ANKLE1: variants seen among roughly 807,000 people sequenced by gnomAD.
ANKLE1 encodes the protein ankyrin repeat and LEM domain containing 1.
Under a neutral mutation model 56.2 loss-of-function variants are expected in ANKLE1, and 59 were observed. The observed-to-expected ratio is 1.05, with a 90% CI of 0.85 to 1.30. The LOEUF is 1.30. Among genes scored for constraint, ANKLE1 ranks in the 50% most tolerant of loss-of-function variants. The pLI is 0.00. For missense variants in ANKLE1, 771 were observed against 816.1 expected (o/e 0.94, Z 0.67); for synonymous variants, 341 against 352.9 (o/e 0.97, Z 0.38).
rs1314590852 is a variant in ANKLE1, at chr19:17,283,918, G to A, written c.1154G>A (p.Arg385Lys). 6.2e-7 allele frequency: 1 copy of A among 1,611,688 alleles called. No homozygotes were observed. The change falls in exon 5 of 9, where the codon AGG becomes AAG. Residue 385 changes from arginine (R) to lysine (K), a missense_variant. Arg to Lys is a conservative substitution (Grantham distance 26). Transcript: ENST00000404085. ...CCTCACCCCATCACACCCTTCACCA[G>A]GCAGTTGTACCACCAGCAGCTGGAA... ...ENPHPITPFTRQLYHQQLEEA... is the reference protein window; with the variant it reads ...ENPHPITPFTKQLYHQQLEEA...
At chr19:17,285,325 A>G in intron 6 of ANKLE1, 106 bp from the exon 7 acceptor site, 1 of 1,366,374 alleles carries the variant, frequency 7.3e-7, no homozygotes, top group Non-Finnish European at 1.0e-6. Flanking sequence ...TGATCCTGTA[A>G]TCAGGAGTCA....
In ANKLE1 at chr19:17,286,649, TG is replaced by T; in HGVS notation, c.*98del. On this transcript the variant is annotated 3_prime_UTR_variant, in exon 9 of 9. Transcript: ENST00000404085. The stretch of plus-strand genomic sequence containing the variant: ...CCCCCATCTCTGGTTTCAGAAGGGG[TG>T]TGTGTGTGTGTGTGTGTGTGTGTGT... The T allele has an allele frequency of 4.4e-6, 2 of 451,518 alleles. No individual in the cohort carries two copies. The highest frequency in any genetic ancestry group is 1.5e-4 in the East Asian group (2 of 13,252). The allele number at this position is 451,518 out of a possible 1,614,324, so 28.0% of individuals were successfully genotyped here.
rs746438386 is a variant in ANKLE1, at chr19:17,283,790, C to T, written c.1026C>T (p.Ser342=). The T allele has an allele frequency of 2.5e-6, 4 of 1,613,656 alleles. No individual in the cohort carries two copies. Among genetic ancestry groups the T allele is most frequent in the Non-Finnish European group, 3.4e-6 (4 of 1,179,902 alleles). ...ATLWLTEDEA[S]STGGREPVGP... Reference sequence around the variant, plus strand: ...TCTGGCTGACAGAGGATGAGGCAAGCTCTACAGGTGGCAGGGAACCTGTCG... The same window carrying T: ...TCTGGCTGACAGAGGATGAGGCAAGTTCTACAGGTGGCAGGGAACCTGTCG... Residue 342 remains serine, a synonymous_variant, in exon 5 of 9, where the codon AGC becomes AGT. Transcript: ENST00000404085.
Position 17,284,124 on chromosome 19 carries a change from G to A in ANKLE1, c.1234G>A (p.Ala412Thr). The A allele has an allele frequency of 6.2e-7, 1 of 1,613,944 alleles. No homozygotes were observed. The highest frequency in any genetic ancestry group is 8.5e-7 in the Non-Finnish European group (1 of 1,179,892). ...TTCAGGGCACAGCCTAGAACTGGCT[G>A]CAGCCCTGCGGACGGGCTGTATTCC... ...EFSGHSLELA[A>T]ALRTGCIPDV... is the part of the protein sequence containing the mutation. The change falls in exon 6 of 9, where the codon GCA (alanine) becomes ACA (threonine). Residue 412 changes from alanine (A) to threonine (T), a missense_variant. Transcript: ENST00000404085.
chr19:17,286,306 G>A, intron 8 of ANKLE1, 74 bp from the exon 9 acceptor site: 1 of 1,500,290 alleles, frequency 6.7e-7, no homozygotes, highest in Non-Finnish European at 8.9e-7. Flanking sequence ...CCAGCCGCCT[G>A]CTGTCACACA....
rs537256851 is a variant in ANKLE1 at position 17,283,445 on chromosome 19, C to T, written c.681C>T (p.Val227=). The T allele has an allele frequency of 2.5e-6, 4 of 1,613,334 alleles. No homozygotes were observed. In the African/African-American group the frequency reaches 5.3e-5, roughly 22 times the overall value. The change falls in exon 5 of 9, where the codon GTC becomes GTT. Residue 227 remains valine (V), a synonymous_variant. Coordinates refer to ENST00000404085, the MANE Select transcript of ANKLE1 (RefSeq NM_152363.6). The part of the protein sequence containing the change: ...SDASFVTAVE[V]SGAEDPASDT... The stretch of plus-strand genomic sequence containing the variant: ...CCTCTTTCGTCACAGCGGTTGAGGT[C>T]TCTGGAGCTGAGGACCCAGCCTCGG...
chr19:17,283,714 G>C lies in ANKLE1; in HGVS notation c.950G>C (p.Cys317Ser). The C allele has an allele frequency of 6.2e-7, 1 of 1,613,604 alleles. No homozygotes were observed. The highest frequency in any genetic ancestry group is 1.7e-5 in the Admixed American group (1 of 60,024). The change falls in exon 5 of 9, where the codon TGC (cysteine) becomes TCC (serine). Residue 317 changes from cysteine (C) to serine (S), a missense_variant. Physicochemically the swap from Cys to Ser is moderately radical, Grantham distance 112. Transcript: ENST00000404085. ...ACACCAACCCCTGGAGCTTCTGACT[G>C]CCACTGCCTGTGGGAGCACCAGACA... is the stretch of plus-strand genomic sequence containing the variant. ...PRTPTPGASD[C>S]HCLWEHQTSI...
At chr19:17,285,937 C>A in intron 8 of ANKLE1, 118 bp downstream of exon 8, 1 of 1,378,836 alleles carries the variant, frequency 7.3e-7, no homozygotes, top group Non-Finnish European at 9.8e-7. Context: ...TGAGCACCAA[C>A]TTTGAACCTG....
Position 17,283,818 on chromosome 19 carries a change from C to T in ANKLE1, c.1054C>T (p.Pro352Ser), listed in dbSNP as rs894277207. Reference sequence around the variant, plus strand: ...TACAGGTGGCAGGGAACCTGTCGGCCCTTGCCGGCACCTGCCAGTCTCCAC... The same window carrying T: ...TACAGGTGGCAGGGAACCTGTCGGCTCTTGCCGGCACCTGCCAGTCTCCAC... ...SSTGGREPVG[P>S]CRHLPVSTVS... The change falls in exon 5 of 9, where the codon CCT becomes TCT. Residue 352 changes from proline (P) to serine (S), a missense_variant. Transcript: ENST00000404085. The T allele has an allele frequency of 4.3e-6, 7 of 1,613,202 alleles. No individual in the cohort carries two copies. Among genetic ancestry groups the T allele is most frequent in the Non-Finnish European group, 5.9e-6 (7 of 1,179,910 alleles).
At chr19:17,282,539 G>C in intron 2 of ANKLE1, 117 bp from the exon 3 acceptor site, 1 of 1,088,356 alleles carries the variant, frequency 9.2e-7, no homozygotes, top group East Asian at 2.6e-5. Context: ...AGTGTACCAG[G>C]GTGGACGGCG....
Position 17,281,928 on chromosome 19 carries a change from C to T in ANKLE1, c.8C>T (p.Ser3Leu), listed in dbSNP as rs779039437. 19 of 1,534,638 alleles carry T rather than the reference C, an allele frequency of 1.2e-5. No individual in the cohort carries two copies. The highest frequency in any genetic ancestry group is 3.6e-5 in the South Asian group (3 of 83,940). MCSEARLARRLRD... is the reference protein window; with the variant it reads MCLEARLARRLRD... ...TTCGGACCCAGCCAGGGCATGTGCT[C>T]GGAGGCCCGCCTGGCTCGCAGGTTG... The change falls in exon 1 of 9, where the codon TCG becomes TTG. Residue 3 changes from serine (S) to leucine (L), a missense_variant. Coordinates refer to ENST00000404085, the MANE Select transcript of ANKLE1 (RefSeq NM_152363.6).
Position 17,284,129 on chromosome 19 carries a change from C to G in ANKLE1, c.1239C>G (p.Ala413=). The G allele has an allele frequency of 6.2e-7, 1 of 1,613,890 alleles. No individual in the cohort carries two copies. Among genetic ancestry groups the G allele is most frequent in the South Asian group, 1.1e-5 (1 of 91,082 alleles). Residue 413 remains alanine, a synonymous_variant, in exon 6 of 9, where the codon GCC becomes GCG. Coordinates refer to ENST00000404085, the MANE Select transcript of ANKLE1 (RefSeq NM_152363.6). ...GGCACAGCCTAGAACTGGCTGCAGC[C>G]CTGCGGACGGGCTGTATTCCAGATG... The part of the protein sequence containing the change: ...FSGHSLELAA[A]LRTGCIPDVQ...
chr19:17,281,975 G>A lies in ANKLE1; in HGVS notation c.55G>A (p.Glu19Lys), dbSNP rs1301299465. The A allele has an allele frequency of 1.9e-5, 29 of 1,534,256 alleles. No individual in the cohort carries two copies. The highest frequency in any genetic ancestry group is 2.5e-5 in the Non-Finnish European group (29 of 1,145,400). The change falls in exon 1 of 9, where the codon GAG (glutamate) becomes AAG (lysine). Residue 19 changes from glutamate (E) to lysine (K), a missense_variant. Glu to Lys is a moderately conservative substitution (Grantham distance 56). Coordinates refer to ENST00000404085, the MANE Select transcript of ANKLE1 (RefSeq NM_152363.6). Reference protein sequence around the residue: ...RRLRDALREEEPWAVEELLRC... With the variant: ...RRLRDALREEKPWAVEELLRC... ...GTTGCGGGATGCGCTGCGGGAGGAG[G>A]AGCCGTGGTGAGGGCGGGGCCGGGG...
Position 17,285,558 on chromosome 19 carries a change from GC to G in ANKLE1, c.1507del (p.Gly504ValfsTer55). 1 of 1,613,928 alleles carries G rather than the reference GC, an allele frequency of 6.2e-7. No individual in the cohort carries two copies. Among genetic ancestry groups the G allele is most frequent in the Non-Finnish European group, 8.5e-7 (1 of 1,179,888 alleles). On this transcript the variant is annotated frameshift_variant, in exon 7 of 9. Coordinates refer to ENST00000404085, the MANE Select transcript of ANKLE1 (RefSeq NM_152363.6). LOFTEE classifies it high-confidence loss of function. ...RARPYVHLWE[A>X]LGHHGRSRKQ... ...CCGGCCATATGTCCACCTCTGGGAG[GC>G]CCTTGGTCACCATGGGCGGTCAAGA... is the stretch of plus-strand genomic sequence containing the variant.
At chr19:17,285,289 G>T in intron 6 of ANKLE1, 142 bp from the exon 7 acceptor site, 5 of 926,412 alleles carry the variant, frequency 5.4e-6, no homozygotes, top group Non-Finnish European at 4.9e-6. Flanking sequence ...GCTGCTGAAT[G>T]TCTTTGGGGA....
rs755887647 is a variant in ANKLE1, at chr19:17,283,003, G to A, written c.460+1G>A. 6 of 1,559,432 alleles carry A rather than the reference G, an allele frequency of 3.8e-6. No individual in the cohort carries two copies. The South Asian group carries it at 7.0e-5, about 18-fold the overall frequency. On this transcript the variant is annotated splice_donor_variant, in intron 4 of 8. Coordinates refer to ENST00000404085, the MANE Select transcript of ANKLE1 (RefSeq NM_152363.6). LOFTEE classifies it high-confidence loss of function. ...CAGGAGCCCGAGCCTGCACCTGGCA[G>A]TGAGTAGGGCCTGCAGGGCTGCTGG... is the stretch of plus-strand genomic sequence containing the variant.
rs1366499150 is a variant in ANKLE1, at chr19:17,283,444, T to C, written c.680T>C (p.Val227Ala). The C allele has an allele frequency of 2.5e-6, 4 of 1,613,078 alleles. No individual in the cohort carries two copies. In the Admixed American group the frequency reaches 6.7e-5, roughly 27 times the overall value. ...SDASFVTAVE[V>A]SGAEDPASDT... ...GCCTCTTTCGTCACAGCGGTTGAGG[T>C]CTCTGGAGCTGAGGACCCAGCCTCG... Residue 227 changes from valine (V) to alanine (A), a missense_variant, in exon 5 of 9, where the codon GTC becomes GCC. Transcript: ENST00000404085.
rs34112069 is a variant in ANKLE1, at chr19:17,284,229, G to T, written c.1339G>T (p.Val447Leu). 6.2e-7 allele frequency: 1 copy of T among 1,613,766 alleles called. No homozygotes were observed. Among genetic ancestry groups the T allele is most frequent in the East Asian group, 2.2e-5 (1 of 44,866 alleles). Residue 447 changes from valine to leucine, a missense_variant, in exon 6 of 9, where the codon GTG becomes TTG. By Grantham distance (32) the Val-to-Leu change is conservative. Transcript: ENST00000404085. Reference protein sequence around the residue: ...DPARRWREGVVKSSFTYLLLD... With the variant: ...DPARRWREGVLKSSFTYLLLD... ...TGCCAGGAGGTGGCGGGAGGGGGTC[G>T]TGAAGTCTAGCTTCACCTATCTGCT...
At position 17,286,826 on chromosome 19, in the gene ANKLE1, G is replaced by A. The variant is rs2074040558; in HGVS notation, c.*274G>A. 8 of 1,296,806 alleles carry A rather than the reference G, an allele frequency of 6.2e-6. No individual in the cohort carries two copies. The South Asian group carries it at 1.4e-4, about 23-fold the overall frequency. The allele number at this position is 1,296,806 out of a possible 1,614,324, so 80.3% of individuals were successfully genotyped here. A position where few individuals can be genotyped will look rare whatever the true frequency, so the allele number is the denominator to read the frequency against. On this transcript the variant is annotated 3_prime_UTR_variant, in exon 9 of 9. Transcript: ENST00000404085. Reference sequence around the variant, plus strand: ...CCATCGTGGGAGGAGGACAAGAAGGGAAGCAGAAGGTGCTTTGGAACAGTC... The same window carrying A: ...CCATCGTGGGAGGAGGACAAGAAGGAAAGCAGAAGGTGCTTTGGAACAGTC...
Sources: allele counts gnomAD v4.1 joint callset, GRCh38; gene constraint gnomAD v4.1.1; transcripts MANE v1.5; gene names NCBI Gene and HGNC (gene_info 2026-07-23, HGNC 2026-07-21).